Variants in FLYWCH2 observed in about 807,000 individuals in gnomAD.
FLYWCH2 encodes the protein FLYWCH family member 2.
Under a neutral mutation model 6.0 loss-of-function variants are expected in FLYWCH2, and 2 were observed. That is an observed-to-expected ratio of 0.33 (90% CI 0.14 to 1.04). FLYWCH2 has a LOEUF of 1.04. Among genes scored for constraint, FLYWCH2 ranks in the 50% least tolerant of loss-of-function variants. FLYWCH2 has a pLI of 0.45. For missense variants in FLYWCH2, 192 were observed against 183.4 expected, an observed-to-expected ratio of 1.05 and a Z score of -0.27; for synonymous variants, 87 against 79.3, an observed-to-expected ratio of 1.10 and a Z score of -0.52.
At chr16:2,885,230 G>T (rs1267045261) in intron 1 of FLYWCH2, among the ~76,000 whole-genome samples, 1 of 152,118 alleles carries the variant, frequency 6.6e-6, no homozygotes, top group Non-Finnish European at 1.5e-5. Context: ...GCTGAGGCAG[G>T]AGAATGGCGT....
chr16:2,893,479 G>A (rs2069782068), intron 1 of FLYWCH2, among the ~76,000 whole-genome samples: 1 of 152,094 alleles, frequency 6.6e-6, no homozygotes, highest in South Asian at 2.1e-4. Flanking sequence ...CGTATTTCAC[G>A]ATTCCCTTCT....
At chr16:2,885,272 A>C (rs2069685681) in intron 1 of FLYWCH2, among the ~76,000 whole-genome samples, 1 of 152,012 alleles carries the variant, frequency 6.6e-6, no homozygotes, top group African/African-American at 2.4e-5. Flanking sequence ...CAGTGAGATC[A>C]CGCCACTGCA....
At chr16:2,890,228 GTT>G (rs200322274) in intron 1 of FLYWCH2, among the ~76,000 whole-genome samples, 9,994 of 139,936 alleles carry the variant, frequency 0.071, 453 homozygotes, top group Non-Finnish European at 0.1. Context: ...TTTTGTTTTT[GTT>G]TTTTTTTTTT....
chr16:2,889,879 G>A (rs1318410527), intron 1 of FLYWCH2, among the ~76,000 whole-genome samples: 1 of 152,140 alleles, frequency 6.6e-6, no homozygotes, highest in Non-Finnish European at 1.5e-5. Context: ...GAGGTCTGGA[G>A]TTCGAGACCA....
intron 1 of FLYWCH2, among the ~76,000 whole-genome samples, chr16:2,890,581 A>G (rs184744195): frequency 8.1e-6 from 1 of 123,178 alleles, no homozygotes; most frequent in Admixed American, 8.1e-5. Flanking sequence ...CGCCCGGCCA[A>G]TTTTTTTTTT....
chr16:2,884,955 C>T (rs568791423), intron 1 of FLYWCH2, among the ~76,000 whole-genome samples: 1 of 151,958 alleles, frequency 6.6e-6, no homozygotes, highest in South Asian at 2.1e-4. Flanking sequence ...TGTTCATAGA[C>T]TCAATTTACC....
chr16:2,888,191 G>C (rs377585702), intron 1 of FLYWCH2, among the ~76,000 whole-genome samples: 1 of 151,832 alleles, frequency 6.6e-6, no homozygotes, highest in Non-Finnish European at 1.5e-5. Context: ...TGTATTTTTA[G>C]TAGAGACGGG....
At chr16:2,894,477 T>C (rs1393919194) in intron 1 of FLYWCH2, among the ~76,000 whole-genome samples, 1 of 152,094 alleles carries the variant, frequency 6.6e-6, no homozygotes, top group Non-Finnish European at 1.5e-5. Context: ...CAGGGCGCTA[T>C]GTGGTTGGGG....
intron 1 of FLYWCH2, among the ~76,000 whole-genome samples, chr16:2,886,427 C>G (rs542956768): frequency 6.7e-6 from 1 of 149,932 alleles, no homozygotes; most frequent in Non-Finnish European, 1.5e-5. Flanking sequence ...AGGCTGATCT[C>G]GAACTCCTGA....
At chr16:2,896,258 G>A in intron 2 of FLYWCH2, 94 bp from the exon 3 acceptor site, 7 of 664,602 alleles carry the variant, frequency 1.1e-5, no homozygotes, top group Non-Finnish European at 1.7e-5. Context: ...AGCGAGCAGT[G>A]AGGCAGCCCC....
intron 1 of FLYWCH2, among the ~76,000 whole-genome samples, chr16:2,884,044 T>C (rs1439602039): frequency 6.6e-6 from 1 of 152,076 alleles, no homozygotes; most frequent in South Asian, 2.1e-4. Context: ...CTGCACACCT[T>C]AGTGTCCCGT....
chr16:2,898,397 C>A (rs543667102), intron 3 of FLYWCH2, among the ~76,000 whole-genome samples: 7 of 152,322 alleles, frequency 4.6e-5, no homozygotes, highest in Admixed American at 1.3e-4. Flanking sequence ...CTTCTCCTGC[C>A]AACCTTGGGC....
chr16:2,887,592 A>T (rs1430227086), intron 1 of FLYWCH2, among the ~76,000 whole-genome samples: 3 of 151,034 alleles, frequency 2.0e-5, no homozygotes, highest in Admixed American at 6.6e-5. Context: ...ATTTTTTGAG[A>T]CAGAGTCTTG....
intron 1 of FLYWCH2, among the ~76,000 whole-genome samples, chr16:2,891,781 C>G (rs2069761010): frequency 6.6e-6 from 1 of 151,902 alleles, no homozygotes; most frequent in African/African-American, 2.4e-5. Context: ...TGGTCTCGAA[C>G]TCCTGGGCTT....
At position 2,885,565 on chromosome 16, in the gene FLYWCH2, A is replaced by G. The variant is rs117841073; in HGVS notation, c.-200+2199A>G. The stretch of plus-strand genomic sequence containing the variant: ...TCTAGACTCTAAGTAATTTCATGTA[A>G]ATGGAATCATATAATATGTGGTCTT... On this transcript the variant is annotated intron_variant, in intron 1 of 3. Coordinates refer to ENST00000396958, the MANE Select transcript of FLYWCH2 (RefSeq NM_138439.3). Among the ~76,000 whole-genome samples, 1,065 of 152,272 alleles carry G rather than the reference A, an allele frequency of 7.0e-3. 5 individuals carry two copies. Among genetic ancestry groups the G allele is most frequent in the Non-Finnish European group, 0.011 (743 of 68,010 alleles).
chr16:2,887,153 TTTG>T (rs967187676), intron 1 of FLYWCH2, among the ~76,000 whole-genome samples: 1 of 152,058 alleles, frequency 6.6e-6, no homozygotes, highest in Non-Finnish European at 1.5e-5. Flanking sequence ...TTTTTGTTTT[TTTG>T]TTGTTTTGAG....
chr16:2,890,387 T>A (rs182568726), intron 1 of FLYWCH2, among the ~76,000 whole-genome samples: 1 of 151,850 alleles, frequency 6.6e-6, no homozygotes, highest in East Asian at 1.9e-4. Flanking sequence ...TAGCTGGGAT[T>A]ACTAGGTGCA....
intron 1 of FLYWCH2, among the ~76,000 whole-genome samples, chr16:2,890,381 T>C (rs2069743160): frequency 6.6e-6 from 1 of 151,682 alleles, no homozygotes; most frequent in African/African-American, 2.4e-5. Context: ...CCTGAGTAGC[T>C]GGGATTACTA....
chr16:2,892,672 C>T (rs1388575974), intron 1 of FLYWCH2, among the ~76,000 whole-genome samples: 5 of 151,444 alleles, frequency 3.3e-5, no homozygotes, highest in Admixed American at 6.6e-5. Context: ...GGTGAAACCG[C>T]GTATCTACTA....
Sources: gnomAD v4.1 joint callset for allele counts (sites outside exome capture counted in the v4.1 genomes callset) on GRCh38, gnomAD v4.1.1 for gene constraint, MANE v1.5 for transcripts, NCBI Gene and HGNC (gene_info 2026-07-23, HGNC 2026-07-21) for gene names.